KAZN: variants seen among roughly 807,000 people sequenced by gnomAD.
The protein encoded by KAZN is kazrin.
Under a neutral mutation model 87.4 loss-of-function variants are expected in KAZN, and 40 were observed. That is an observed-to-expected ratio of 0.46 (90% CI 0.36 to 0.60). KAZN has a LOEUF of 0.60. Ranked by LOEUF, KAZN falls within the 20% of genes least tolerant of loss-of-function variation. The pLI is 0.00. For missense variants in KAZN, 898 were observed against 1,073.9 expected, an observed-to-expected ratio of 0.84 and a Z score of 2.29; for synonymous variants, 466 against 458.3, an observed-to-expected ratio of 1.02 and a Z score of -0.22.
chr1:14,207,485 G>C (rs1293239282), intron 2 of KAZN, among the ~76,000 whole-genome samples: 1 of 152,082 alleles, frequency 6.6e-6, no homozygotes, highest in East Asian at 1.9e-4. Flanking sequence ...AATGAAGGCA[G>C]AATTTAACCC....
chr1:14,130,188 C>T (rs938120140), intron 1 of KAZN, among the ~76,000 whole-genome samples: 10 of 152,148 alleles, frequency 6.6e-5, no homozygotes, highest in Admixed American at 3.9e-4. Flanking sequence ...TCTCCTCTTT[C>T]TTTTTTTCAT....
intron 2 of KAZN, among the ~76,000 whole-genome samples, chr1:14,274,408 C>A (rs1652190422): frequency 6.6e-6 from 1 of 152,150 alleles, no homozygotes; most frequent in South Asian, 2.1e-4. Context: ...GTCAAGCTGG[C>A]CAATGATCTC....
At chr1:14,841,397 C>T (rs1387379539) in intron 1 of KAZN, among the ~76,000 whole-genome samples, 1 of 120,038 alleles carries the variant, frequency 8.3e-6, no homozygotes, top group Non-Finnish European at 1.7e-5. Context: ...CAGAGCAAGA[C>T]TCCGTCTCAA....
chr1:14,421,185 A>G (rs1386154328), intron 2 of KAZN, among the ~76,000 whole-genome samples: 1 of 152,224 alleles, frequency 6.6e-6, no homozygotes, highest in African/African-American at 2.4e-5. Context: ...TATCAATGAT[A>G]AATAATTGTT....
intron 2 of KAZN, among the ~76,000 whole-genome samples, chr1:14,195,057 C>T (rs1002809087): frequency 6.6e-6 from 1 of 152,252 alleles, no homozygotes; most frequent in South Asian, 2.1e-4. Flanking sequence ...CAACAATCAA[C>T]CCTTCGAGGA....
At chr1:14,680,554 G>A (rs951144442) in intron 1 of KAZN, among the ~76,000 whole-genome samples, 10 of 152,022 alleles carry the variant, frequency 6.6e-5, no homozygotes, top group East Asian at 5.8e-4. Flanking sequence ...CCATCAACCC[G>A]TCACCTAGGT....
chr1:14,002,389 T>C (rs1639834412), intron 1 of KAZN, among the ~76,000 whole-genome samples: 1 of 152,240 alleles, frequency 6.6e-6, no homozygotes, highest in Non-Finnish European at 1.5e-5. Context: ...GTCTTTCCCA[T>C]GCTCTTCTAG....
At chr1:15,042,552 T>C (rs10927655) in intron 3 of KAZN, among the ~76,000 whole-genome samples, 33,461 of 152,032 alleles carry the variant, frequency 0.22, 3,939 homozygotes, top group Non-Finnish European at 0.26. Context: ...GGTGGATTCC[T>C]TCATGCAGAC....
At chr1:14,836,566 C>A (rs1012516498) in intron 1 of KAZN, among the ~76,000 whole-genome samples, 2 of 152,170 alleles carry the variant, frequency 1.3e-5, no homozygotes, top group African/African-American at 4.8e-5. Flanking sequence ...TCTGGGCCCA[C>A]GCCTCCTCTT....
chr1:14,191,419 A>G (rs1646417511), intron 2 of KAZN, among the ~76,000 whole-genome samples: 2 of 152,168 alleles, frequency 1.3e-5, no homozygotes, highest in African/African-American at 4.8e-5. Flanking sequence ...AACACCTCAT[A>G]AAGGAAACAG....
At chr1:15,065,190 G>A (rs1018636138) in intron 7 of KAZN, among the ~76,000 whole-genome samples, 1 of 151,804 alleles carries the variant, frequency 6.6e-6, no homozygotes, top group African/African-American at 2.4e-5. Flanking sequence ...CACCACATCC[G>A]GCTAATTTTG....
Position 15,112,409 on chromosome 1 carries a change from A to G in KAZN, c.2049-18A>G, listed in dbSNP as rs750428165. 5.2e-6 allele frequency: 8 copies of G among 1,528,666 alleles called. No individual in the cohort carries two copies. Among genetic ancestry groups the G allele is most frequent in the Admixed American group, 1.9e-5 (1 of 52,874 alleles). The allele number at this position is 1,528,666 out of a possible 1,614,324, so 94.7% of individuals were successfully genotyped here. Reference sequence around the variant, plus strand: ...TGACTGAGCCTCCCCTGCTGACTCAAAATGGTCCTCTCTTCAGCTCCACAG... The same window carrying G: ...TGACTGAGCCTCCCCTGCTGACTCAGAATGGTCCTCTCTTCAGCTCCACAG... On this transcript the variant is annotated intron_variant, in intron 13 of 14. Coordinates refer to ENST00000376030, the MANE Select transcript of KAZN (RefSeq NM_201628.3).
At chr1:14,352,126 TG>T (rs1382779541) in intron 2 of KAZN, among the ~76,000 whole-genome samples, 1 of 152,250 alleles carries the variant, frequency 6.6e-6, no homozygotes, top group African/African-American at 2.4e-5. Context: ...CTTTGTATAA[TG>T]TTATACATCA....
chr1:15,027,934 G>C (rs984988136), intron 2 of KAZN, among the ~76,000 whole-genome samples: 5 of 152,230 alleles, frequency 3.3e-5, no homozygotes, highest in Non-Finnish European at 5.9e-5. Context: ...GTCTGTGGTG[G>C]GAGCTTGAGG....
At chr1:15,074,916 C>T (rs1639671758) in intron 8 of KAZN, among the ~76,000 whole-genome samples, 2 of 152,318 alleles carry the variant, frequency 1.3e-5, no homozygotes, top group African/African-American at 4.8e-5. Context: ...GCGCAATAAA[C>T]CTTAGCCACC....
intron 2 of KAZN, among the ~76,000 whole-genome samples, chr1:14,973,098 C>G (rs1046095708): frequency 1.3e-5 from 2 of 152,056 alleles, no homozygotes; most frequent in Non-Finnish European, 2.9e-5. Context: ...GTACAGCATG[C>G]GAGTCTCAGC....
At chr1:14,574,204 G>T (rs1675041460) in intron 2 of KAZN, among the ~76,000 whole-genome samples, 1 of 152,200 alleles carries the variant, frequency 6.6e-6, no homozygotes, top group Non-Finnish European at 1.5e-5. Context: ...GTTTCCTCAT[G>T]TATAGCTTGG....
intron 14 of KAZN, 188 bp from the exon 15 acceptor site, chr1:15,114,283 A>C (rs1193734075): frequency 3.6e-6 from 2 of 560,972 alleles, no homozygotes; most frequent in African/African-American, 1.9e-5. Context: ...GCTCTCCCCT[A>C]ATGGTCATTC....
chr1:14,563,874 C>CTTTTTCTTTTTTTTTTTTTTTT (rs1674393745), intron 2 of KAZN, among the ~76,000 whole-genome samples: 1 of 97,926 alleles, frequency 1.0e-5, no homozygotes, highest in East Asian at 4.5e-4. Context: ...GTTCAAACTC[C>CTTTTTCTTTTTTTTTTTTTTTT]TTTTTTTTTT....
Sources: gnomAD v4.1 joint callset for allele counts (sites outside exome capture counted in the v4.1 genomes callset) on GRCh38, gnomAD v4.1.1 for gene constraint, MANE v1.5 for transcripts, NCBI Gene and HGNC (gene_info 2026-07-23, HGNC 2026-07-21) for gene names.